CNTRL: variants seen among roughly 807,000 people sequenced by gnomAD.
The protein encoded by CNTRL is centriolin.
A neutral mutation model predicts 303.7 loss-of-function variants in CNTRL; 233 were observed. The ratio of observed to expected loss-of-function variants is 0.77; its 90% CI spans 0.69 to 0.86. CNTRL has a LOEUF of 0.86. Ranked by LOEUF, CNTRL falls within the 40% of genes least tolerant of loss-of-function variation. The probability of loss-of-function intolerance (pLI) is 0.00; values close to 1 mark genes in which losing one functional copy is unlikely to be tolerated. For missense variants in CNTRL, 2,524 were observed against 2,650.6 expected, an observed-to-expected ratio of 0.95 and a Z score of 1.05; for synonymous variants, 900 against 922.2, an observed-to-expected ratio of 0.98 and a Z score of 0.44.
In CNTRL at chr9:121,135,977, A is replaced by G; in HGVS notation, c.2197A>G (p.Thr733Ala). The G allele has an allele frequency of 2.5e-6, 4 of 1,602,140 alleles. No homozygotes were observed. Among genetic ancestry groups the G allele is most frequent in the Non-Finnish European group, 3.4e-6 (4 of 1,171,140 alleles). Residue 733 changes from threonine to alanine, a missense_variant, in exon 15 of 44, where the codon ACC becomes GCC. Physicochemically the swap from Thr to Ala is moderately conservative, Grantham distance 58. Coordinates refer to ENST00000373855, the MANE Select transcript of CNTRL (RefSeq NM_007018.6). ...AGAGTTGGAAAAAGTAACAAGACTT[A>G]CCCAGGTAAGTAGGAGCATGAAGCC... ...KEELEKVTRL[T>A]QLEQSALQAE...
chr9:121,115,743 T>C lies in CNTRL; in HGVS notation c.1455+543T>C, dbSNP rs1197238069. 2.6e-5 allele frequency among the ~76,000 whole-genome samples: 4 copies of C among 152,238 alleles called. No individual in the cohort carries two copies. The East Asian group carries it at 7.7e-4, about 29-fold the overall frequency. ...AGGAAGTTGCTTGACATTTTAGTTT[T>C]TAAATGGGTAAAAAGGTTTTAGTTA... On this transcript the variant is annotated intron_variant, in intron 11 of 43. Coordinates refer to ENST00000373855, the MANE Select transcript of CNTRL (RefSeq NM_007018.6).
At chr9:121,164,816 A>T in intron 34 of CNTRL, 127 bp from the exon 35 acceptor site, 1 of 648,288 alleles carries the variant, frequency 1.5e-6, no homozygotes, top group Non-Finnish European at 2.3e-6. Context: ...TTGAGTCTTA[A>T]ATTTTGTGAA....
intron 1 of CNTRL, among the ~76,000 whole-genome samples, chr9:121,078,887 C>T (rs1348210094): frequency 6.6e-6 from 1 of 152,212 alleles, no homozygotes; most frequent in East Asian, 1.9e-4. Context: ...TGGGTGGATT[C>T]CCCTCCAGGA....
intron 42 of CNTRL, among the ~76,000 whole-genome samples, 177 bp downstream of exon 42, chr9:121,173,914 C>G (rs2053417977): frequency 6.6e-6 from 1 of 152,148 alleles, no homozygotes; most frequent in Non-Finnish European, 1.5e-5. Context: ...AAATGGCAAT[C>G]AGTGTTCAAA....
intron 39 of CNTRL, 89 bp from the exon 40 acceptor site, chr9:121,171,319 A>C: frequency 7.1e-7 from 1 of 1,409,230 alleles, no homozygotes; most frequent in Non-Finnish European, 1.0e-6. Context: ...CAGAAGGGGA[A>C]TGAAGTTATA....
At chr9:121,161,575 T>C in intron 32 of CNTRL, 1 of 371,504 alleles carries the variant, frequency 2.7e-6, no homozygotes, top group Non-Finnish European at 4.8e-6. Context: ...CTCAAACCCC[T>C]GGGCTCAAGC....
intron 12 of CNTRL, among the ~76,000 whole-genome samples, chr9:121,119,703 T>G (rs536673482): frequency 6.6e-6 from 1 of 151,256 alleles, no homozygotes; most frequent in East Asian, 1.9e-4. Flanking sequence ...TCCATGTTGC[T>G]CAGGCTGGTC....
chr9:121,119,315 T>C (rs1241311572), intron 12 of CNTRL, among the ~76,000 whole-genome samples: 16 of 146,154 alleles, frequency 1.1e-4, no homozygotes, highest in Admixed American at 4.1e-4. Context: ...CTCTCTCTCT[T>C]TTTTTTTTTT....
chr9:121,140,834 G>C (rs1564261855), intron 17 of CNTRL, 48 bp downstream of exon 17: 1 of 1,555,386 alleles, frequency 6.4e-7, no homozygotes, highest in African/African-American at 1.4e-5. Context: ...CTCACAACTT[G>C]AGAGTTGTGA....
At chr9:121,101,404 T>C (rs960939420) in intron 7 of CNTRL, among the ~76,000 whole-genome samples, 6 of 152,008 alleles carry the variant, frequency 3.9e-5, no homozygotes, top group Non-Finnish European at 7.4e-5. Flanking sequence ...TAAAGCAGTG[T>C]GTAGAGGGAA....
chr9:121,116,547 T>G (rs1053176037), intron 11 of CNTRL, among the ~76,000 whole-genome samples: 3 of 152,158 alleles, frequency 2.0e-5, no homozygotes, highest in African/African-American at 7.2e-5. Flanking sequence ...GGTCTTGAAC[T>G]CTTAGGCTCA....
intron 35 of CNTRL, among the ~76,000 whole-genome samples, chr9:121,165,460 T>C (rs947006513): frequency 5.3e-5 from 8 of 152,212 alleles, no homozygotes; most frequent in African/African-American, 1.9e-4. Context: ...TAGGGGTGTG[T>C]CTAGTTTGAA....
At position 121,157,518 on chromosome 9, in the gene CNTRL, C is replaced by G. The variant is rs748639275; in HGVS notation, c.4414C>G (p.Gln1472Glu). The G allele has an allele frequency of 7.4e-6, 12 of 1,613,912 alleles. No homozygotes were observed. In the South Asian group the frequency reaches 1.3e-4, roughly 18 times the overall value. Residue 1472 changes from glutamine (Q) to glutamate (E), a missense_variant, in exon 28 of 44, where the codon CAA (glutamine) becomes GAA (glutamate). Coordinates refer to ENST00000373855, the MANE Select transcript of CNTRL (RefSeq NM_007018.6). ...CACTGATGCCAAGAGAAGTTTATTGCAAACTGAGTCAGATGCTGAGGAATT... is the reference window on the plus strand; with the variant it reads ...CACTGATGCCAAGAGAAGTTTATTGGAAACTGAGTCAGATGCTGAGGAATT... Reference protein sequence around the residue: ...KFTDAKRSLLQTESDAEELER... With the variant: ...KFTDAKRSLLETESDAEELER...
At chr9:121,163,569 T>G (rs1446388274) in intron 34 of CNTRL, among the ~76,000 whole-genome samples, 1 of 151,912 alleles carries the variant, frequency 6.6e-6, no homozygotes, top group Non-Finnish European at 1.5e-5. Context: ...AATGAAAAGA[T>G]ATGTCACAGG....
Position 121,140,639 on chromosome 9 carries a change from A to G in CNTRL, c.2338-2A>G, listed in dbSNP as rs1225942844. 1.9e-6 allele frequency: 3 copies of G among 1,604,778 alleles called. No individual in the cohort carries two copies. In the South Asian group the frequency reaches 3.3e-5, roughly 18 times the overall value. ...TAATCCCTATTTCATCCCCCTCCAT[A>G]GGATGACAATAATCTGTTAAAACAG... is the stretch of plus-strand genomic sequence containing the variant. On this transcript the variant is annotated splice_acceptor_variant, in intron 16 of 43. Transcript: ENST00000373855. LOFTEE classifies it high-confidence loss of function.
chr9:121,175,341 A>C, intron 43 of CNTRL, 117 bp downstream of exon 43: 16 of 886,272 alleles, frequency 1.8e-5, no homozygotes, highest in Non-Finnish European at 2.5e-5. Context: ...ATCACAGCTC[A>C]CTGCAGCCTT....
intron 16 of CNTRL, 80 bp downstream of exon 16, chr9:121,138,759 C>A: frequency 6.9e-7 from 1 of 1,446,534 alleles, no homozygotes. Flanking sequence ...CACTTAGCAA[C>A]CTGCTCTAAC....
In CNTRL at chr9:121,150,154, G is replaced by T; in HGVS notation, c.3650-16G>T. ...ACTCTTTTGTTGAATAAACTCTTCT[G>T]TTTATTTCTTTGAAGATGCAGACAG... On this transcript the variant is annotated splice_polypyrimidine_tract_variant and intron_variant, in intron 24 of 43. Transcript: ENST00000373855. 1 of 1,586,958 alleles carries T rather than the reference G, an allele frequency of 6.3e-7. No homozygotes were observed. Among genetic ancestry groups the T allele is most frequent in the Non-Finnish European group, 8.6e-7 (1 of 1,165,774 alleles).
At chr9:121,153,764 G>A (rs1177186386) in intron 26 of CNTRL, among the ~76,000 whole-genome samples, 1 of 152,180 alleles carries the variant, frequency 6.6e-6, no homozygotes, top group Non-Finnish European at 1.5e-5. Context: ...ACCCAGACTG[G>A]CCCAGACCCC....
Sources: gnomAD v4.1 joint callset for allele counts (sites outside exome capture counted in the v4.1 genomes callset) on GRCh38, gnomAD v4.1.1 for gene constraint, MANE v1.5 for transcripts, NCBI Gene and HGNC (gene_info 2026-07-23, HGNC 2026-07-21) for gene names.